The following MAF variants were observed in gnomAD, a reference collection of about 807,000 sequenced individuals.
The protein encoded by MAF is MAF bZIP transcription factor.
Under a neutral mutation model 22.0 loss-of-function variants are expected in MAF, and 10 were observed. The observed-to-expected ratio is 0.45, with a 90% CI of 0.28 to 0.77. The LOEUF is 0.77. Among genes scored for constraint, MAF ranks in the 30% least tolerant of loss-of-function variants. MAF has a pLI of 0.12. For synonymous variants in MAF, 337 were observed against 255.8 expected (o/e 1.32, Z -3.03); for missense variants, 544 against 548.4 (o/e 0.99, Z 0.08).
chr16:79,585,704 A>G, downstream of MAF: 1 of 552,130 alleles, frequency 1.8e-6, no homozygotes, highest in East Asian at 3.0e-5. Flanking sequence ...TAGTGTCACC[A>G]TTTACATGAC....
the MAF span, among the ~76,000 whole-genome samples, chr16:79,560,980 G>A: frequency 5.3e-4 from 81 of 152,208 alleles, no homozygotes; most frequent in African/African-American, 1.6e-3. Context: ...CTTGCCTAGG[G>A]GATTTCATCC....
chr16:79,332,979 C>A, the MAF span, among the ~76,000 whole-genome samples: 1 of 152,212 alleles, frequency 6.6e-6, no homozygotes, highest in Non-Finnish European at 1.5e-5. Flanking sequence ...CAGCTCACCC[C>A]CTGTCTCCGG....
At chr16:79,267,947 C>T in the MAF span, among the ~76,000 whole-genome samples, 1 of 152,236 alleles carries the variant, frequency 6.6e-6, no homozygotes, top group African/African-American at 2.4e-5. Context: ...GGCGGGGGCA[C>T]GCCTTTCCCC....
At chr16:79,483,248 C>G in the MAF span, among the ~76,000 whole-genome samples, 4 of 25,446 alleles carry the variant, frequency 1.6e-4, no homozygotes, top group South Asian at 4.7e-3. Flanking sequence ...TCTCTCCTCT[C>G]CCCTCCCCCG....
the MAF span, among the ~76,000 whole-genome samples, chr16:79,513,271 A>C: frequency 6.6e-6 from 1 of 152,362 alleles, no homozygotes; most frequent in African/African-American, 2.4e-5. Context: ...AACAGGTTTT[A>C]CAGCCACAGA....
the MAF span, among the ~76,000 whole-genome samples, chr16:79,534,461 T>C: frequency 1.3e-5 from 2 of 152,096 alleles, no homozygotes; most frequent in Admixed American, 6.6e-5. Context: ...AGCACTCACA[T>C]ACAGGTGAGT....
the MAF span, among the ~76,000 whole-genome samples, chr16:79,290,913 C>T: frequency 6.6e-6 from 1 of 152,100 alleles, no homozygotes; most frequent in African/African-American, 2.4e-5. Context: ...ACCAGACTTT[C>T]TGTGGATAGG....
chr16:79,388,700 C>G, the MAF span, among the ~76,000 whole-genome samples: 1 of 152,106 alleles, frequency 6.6e-6, no homozygotes, highest in East Asian at 1.9e-4. Flanking sequence ...CTACAGGACA[C>G]AAAAATATAC....
chr16:79,294,916 G>T, the MAF span, among the ~76,000 whole-genome samples: 4 of 152,200 alleles, frequency 2.6e-5, no homozygotes, highest in African/African-American at 4.8e-5. Flanking sequence ...AAGGAACAAA[G>T]AAGGAGGGTT....
chr16:79,535,658 C>A, the MAF span, among the ~76,000 whole-genome samples: 5 of 144,102 alleles, frequency 3.5e-5, no homozygotes, highest in Non-Finnish European at 7.5e-5. Flanking sequence ...GGTGACATCT[C>A]GGTCACTGCA....
the MAF span, among the ~76,000 whole-genome samples, chr16:79,363,242 T>A: frequency 6.6e-6 from 1 of 152,120 alleles, no homozygotes; most frequent in African/African-American, 2.4e-5. Context: ...GCTCAGCTCT[T>A]GTGGAGGAGA....
the MAF span, among the ~76,000 whole-genome samples, chr16:79,468,295 T>C: frequency 8.5e-5 from 13 of 152,308 alleles, no homozygotes; most frequent in African/African-American, 3.1e-4. Flanking sequence ...TGTGATTTAC[T>C]GCTGCCCTGG....
At chr16:79,568,830 T>A in the MAF span, among the ~76,000 whole-genome samples, 10 of 152,318 alleles carry the variant, frequency 6.6e-5, no homozygotes, top group African/African-American at 2.4e-4. Flanking sequence ...ATGGCAATAA[T>A]AGATCATGTT....
At chr16:79,545,525 GA>G in the MAF span, among the ~76,000 whole-genome samples, 94,205 of 146,394 alleles carry the variant, frequency 0.64, 29,921 homozygotes, top group South Asian at 0.72. Context: ...CAAGCCATTG[GA>G]AAAAAAAAAA....
rs147135378 is a variant in MAF at position 79,598,364 on chromosome 16, T to A, written c.1118+421A>T. The stretch of plus-strand genomic sequence containing the variant: ...AGAAGAAGAAAAAATATGTGAATGA[T>A]GCAGGCTTCAAAGGTGATCAACGTT... On this transcript the variant is annotated intron_variant, in intron 1 of 1. Transcript: ENST00000326043. 2.4e-3 allele frequency: 2,767 copies of A among 1,132,980 alleles called. 8 individuals carry two copies. Among genetic ancestry groups the A allele is most frequent in the Middle Eastern group, 3.7e-3 (10 of 2,670 alleles). 70.2% of individuals were successfully genotyped at this position (1,132,980 alleles called of 1,614,324 possible).
the MAF span, among the ~76,000 whole-genome samples, chr16:79,540,840 T>TA: frequency 1.3e-5 from 2 of 152,216 alleles, no homozygotes; most frequent in African/African-American, 4.8e-5. Flanking sequence ...AGTTGGTCTG[T>TA]AAAAAATTTA....
chr16:79,439,411 G>A, the MAF span, among the ~76,000 whole-genome samples: 111 of 151,660 alleles, frequency 7.3e-4, no homozygotes, highest in Admixed American at 2.2e-3. Context: ...ACAGGCGCCC[G>A]TCACCATGCC....
chr16:79,288,886 T>C, the MAF span, among the ~76,000 whole-genome samples: 8 of 152,128 alleles, frequency 5.3e-5, no homozygotes, highest in Non-Finnish European at 1.2e-4. Context: ...CGCACCACCA[T>C]GCCCAGCTAA....
At chr16:79,247,147 T>A in the MAF span, among the ~76,000 whole-genome samples, 70,767 of 152,012 alleles carry the variant, frequency 0.47, 16,911 homozygotes, top group Non-Finnish European at 0.52. Context: ...TCAAGCAAGC[T>A]GCGAATGAAA....
Sources: gnomAD v4.1 joint callset for allele counts (sites outside exome capture counted in the v4.1 genomes callset) on GRCh38, gnomAD v4.1.1 for gene constraint, MANE v1.5 for transcripts, NCBI Gene and HGNC (gene_info 2026-07-23, HGNC 2026-07-21) for gene names.